CNIH3: variants seen among roughly 807,000 people sequenced by gnomAD.
CNIH3 encodes protein cornichon homolog 3.
A neutral mutation model predicts 24.1 loss-of-function variants in CNIH3; 14 were observed. The observed-to-expected ratio is 0.58, with a 90% confidence interval of 0.38 to 0.91. CNIH3 has a LOEUF of 0.91. Ranked by LOEUF, CNIH3 falls within the 40% of genes least tolerant of loss-of-function variation. The probability of loss-of-function intolerance (pLI) is 0.00; values close to 1 mark genes in which losing one functional copy is unlikely to be tolerated. For missense variants in CNIH3, 178 were observed against 196.8 expected, an observed-to-expected ratio of 0.90 and a Z score of 0.57; for synonymous variants, 68 against 73.8, an observed-to-expected ratio of 0.92 and a Z score of 0.40.
intron 1 of CNIH3, among the ~76,000 whole-genome samples, chr1:224,462,624 A>G (rs899871374): frequency 3.6e-4 from 52 of 146,180 alleles, no homozygotes; most frequent in Admixed American, 6.3e-4. Flanking sequence ...GTGAACCACT[A>G]GGTCTGGACC....
At position 224,554,477 on chromosome 1, in the gene CNIH3, G is replaced by C. The variant is rs143473150; in HGVS notation, n.450+7538G>C. Among the ~76,000 whole-genome samples the C allele has an allele frequency of 7.9e-5, 12 of 152,174 alleles. No individual in the cohort carries two copies. In the East Asian group the frequency reaches 2.3e-3, roughly 29 times the overall value. On this transcript the variant is annotated intron_variant and non_coding_transcript_variant, in intron 3 of 5. Transcript: ENST00000471578. ...ATTGAAAAGATTTTTTAAAAAAATGGGTGGTTGCATCTGTACTGAACACCT... is the reference window on the plus strand; with the variant it reads ...ATTGAAAAGATTTTTTAAAAAAATGCGTGGTTGCATCTGTACTGAACACCT...
At chr1:224,574,664 C>G (rs61825844) in intron 4 of CNIH3, 85,044 of 1,014,708 alleles carry the variant, frequency 0.084, 4,269 homozygotes, top group Non-Finnish European at 0.1. Flanking sequence ...TCATCACCAG[C>G]AAGCTGTGGT....
At chr1:224,644,631 C>T (rs759203599) in intron 1 of CNIH3, among the ~76,000 whole-genome samples, 9 of 152,220 alleles carry the variant, frequency 5.9e-5, no homozygotes, top group Non-Finnish European at 1.2e-4. Context: ...TCTTAAATTT[C>T]TCCTGGCTGC....
chr1:224,694,422 G>A (rs6685547), intron 3 of CNIH3, among the ~76,000 whole-genome samples: 9,291 of 152,206 alleles, frequency 0.061, 359 homozygotes, highest in East Asian at 0.14. Context: ...TGTTCCTCAC[G>A]TTGAATCTGG....
chr1:224,455,994 A>C lies in CNIH3; in HGVS notation n.203+21132A>C, dbSNP rs567881474. On this transcript the variant is annotated intron_variant and non_coding_transcript_variant, in intron 1 of 5. Transcript: ENST00000471578. ...ACAGGTGTATCATTTTAAATTCTCT[A>C]TATATAGCATTTAAAGTGTATAGTG... Among the ~76,000 whole-genome samples, 3 of 152,298 alleles carry C rather than the reference A, an allele frequency of 2.0e-5. No individual in the cohort carries two copies. The East Asian group carries it at 5.8e-4, about 29-fold the overall frequency.
At chr1:224,593,159 CT>C (rs773677216), downstream of CNIH3, among the ~76,000 whole-genome samples, 260 of 139,492 alleles carry the variant, frequency 1.9e-3, no homozygotes, top group Middle Eastern at 3.8e-3. Context: ...TTTTTTTTAA[CT>C]TTTTTTTTTT....
intron 1 of CNIH3, among the ~76,000 whole-genome samples, chr1:224,488,972 A>T (rs758458893): frequency 8.5e-5 from 13 of 152,144 alleles, no homozygotes; most frequent in Non-Finnish European, 1.6e-4. Flanking sequence ...ATTCCAATGT[A>T]TGAATCATTT....
At position 224,656,286 on chromosome 1, in the gene CNIH3, C is replaced by T. The variant is rs531550789; in HGVS notation, c.82-24672C>T. Among the ~76,000 whole-genome samples the T allele has an allele frequency of 4.6e-5, 7 of 152,292 alleles. No homozygotes were observed. The South Asian group carries it at 1.5e-3, about 32-fold the overall frequency. On this transcript the variant is annotated intron_variant, in intron 1 of 5. Transcript: ENST00000272133. ...CCATGATCTGTGTACTTTTATTTTG[C>T]TTTTTGAACAACATTTGAGGCCACA...
At chr1:224,539,529 G>A (rs987009642), downstream of CNIH3, among the ~76,000 whole-genome samples, 8 of 152,092 alleles carry the variant, frequency 5.3e-5, no homozygotes, top group African/African-American at 1.7e-4. Context: ...AGAATCATCA[G>A]TGGCTCCTTG....
chr1:224,582,481 T>G (rs939051834), intron 4 of CNIH3, among the ~76,000 whole-genome samples: 1 of 152,278 alleles, frequency 6.6e-6, no homozygotes, highest in South Asian at 2.1e-4. Context: ...ATAATGGTGA[T>G]GGATTTTGAA....
At chr1:224,588,968 GTTTT>G, downstream of CNIH3, among the ~76,000 whole-genome samples, 1 of 112,342 alleles carries the variant, frequency 8.9e-6, no homozygotes, top group Admixed American at 9.8e-5. Flanking sequence ...CTGACCCCCT[GTTTT>G]TTTTTTTTTT....
rs901333969 is a variant in CNIH3 at position 224,531,483 on chromosome 1, A to G, written n.344-5453A>G. Reference sequence around the variant, plus strand: ...GTTAAAGCTGAGTGTGGAATTAGCGAAGTGAAGCTCTAGGTCATAGGGAAT... The same window carrying G: ...GTTAAAGCTGAGTGTGGAATTAGCGGAGTGAAGCTCTAGGTCATAGGGAAT... On this transcript the variant is annotated intron_variant and non_coding_transcript_variant, in intron 2 of 2. Coordinates refer to the CNIH3 transcript ENST00000470602. Among the ~76,000 whole-genome samples, 39 of 152,226 alleles carry G rather than the reference A, an allele frequency of 2.6e-4. 1 individual carries two copies. Among genetic ancestry groups the G allele is most frequent in the African/African-American group, 9.2e-4 (38 of 41,452 alleles).
rs561786958 is a variant in CNIH3 at position 224,469,774 on chromosome 1, T to C, written n.203+34912T>C. Among the ~76,000 whole-genome samples the C allele has an allele frequency of 2.0e-5, 3 of 152,290 alleles. No individual in the cohort carries two copies. The South Asian group carries it at 6.2e-4, about 32-fold the overall frequency. ...ATAATAGGAAAAACATCTTACATAT[T>C]TTACCTGTGTGGTAACCATTTCTGA... On this transcript the variant is annotated intron_variant and non_coding_transcript_variant, in intron 1 of 5. Coordinates refer to the CNIH3 transcript ENST00000471578.
intron 3 of CNIH3, among the ~76,000 whole-genome samples, chr1:224,547,868 A>T (rs1316494996): frequency 6.6e-6 from 1 of 151,660 alleles, no homozygotes; most frequent in Admixed American, 6.6e-5. Flanking sequence ...TCAAAGTGGG[A>T]GTATACCCTG....
At chr1:224,733,643 C>T (rs1689445765) in intron 4 of CNIH3, among the ~76,000 whole-genome samples, 1 of 152,216 alleles carries the variant, frequency 6.6e-6, no homozygotes, top group Non-Finnish European at 1.5e-5. Context: ...TCCCTGGGCC[C>T]TTTACCACCA....
intron 2 of CNIH3, among the ~76,000 whole-genome samples, chr1:224,522,430 A>G (rs1471163045): frequency 1.3e-5 from 2 of 152,184 alleles, no homozygotes; most frequent in African/African-American, 2.4e-5. Context: ...ACAGATGACA[A>G]CCATCCTCGG....
chr1:224,513,758 A>G (rs573986779), upstream of CNIH3: 2 of 152,370 alleles, frequency 1.3e-5, no homozygotes, highest in African/African-American at 4.8e-5. Flanking sequence ...ACAGTCATGC[A>G]TTATGCATTG....
intron 1 of CNIH3, among the ~76,000 whole-genome samples, chr1:224,635,517 T>C (rs558027759): frequency 3.9e-5 from 6 of 152,224 alleles, no homozygotes; most frequent in African/African-American, 1.4e-4. Context: ...AAGTGAGTCC[T>C]GCTGAGCAAC....
At chr1:224,561,103 T>C (rs1680355490) in intron 3 of CNIH3, among the ~76,000 whole-genome samples, 2 of 152,220 alleles carry the variant, frequency 1.3e-5, no homozygotes, top group Non-Finnish European at 1.5e-5. Flanking sequence ...TGATTAACTT[T>C]TACCAGTTTT....
Sources: allele counts gnomAD v4.1 joint callset (sites outside exome capture counted in the v4.1 genomes callset), GRCh38; gene constraint gnomAD v4.1.1; transcripts MANE v1.5; gene names NCBI Gene and HGNC (gene_info 2026-07-23, HGNC 2026-07-21).